ITFG1: variants seen among roughly 807,000 people sequenced by gnomAD.
ITFG1 encodes T-cell immunomodulatory protein.
In ITFG1, 34 loss-of-function variants were observed where a neutral mutation model predicts 81.8. The ratio of observed to expected loss-of-function variants is 0.42; its 90% CI spans 0.32 to 0.55. The LOEUF is 0.55. Ranked by LOEUF, ITFG1 falls within the 20% of genes least tolerant of loss-of-function variation. The probability of loss-of-function intolerance (pLI) is 0.17; values close to 1 mark genes in which losing one functional copy is unlikely to be tolerated. For missense variants in ITFG1, 672 were observed against 755.4 expected (o/e 0.89, Z 1.29); for synonymous variants, 285 against 270.6 (o/e 1.05, Z -0.52).
intron 6 of ITFG1, among the ~76,000 whole-genome samples, chr16:47,424,708 TG>T (rs199730896): frequency 0.017 from 2,647 of 152,298 alleles, 82 homozygotes; most frequent in African/African-American, 0.061. Flanking sequence ...GCAGGTCTGT[TG>T]GAGTTTGCTG....
chr16:47,334,486 G>C (rs1288439426), intron 8 of ITFG1, among the ~76,000 whole-genome samples: 1 of 152,172 alleles, frequency 6.6e-6, no homozygotes, highest in African/African-American at 2.4e-5. Context: ...TTAAATATAG[G>C]AGCAGTGAAC....
chr16:47,370,713 G>A (rs1025830736), intron 7 of ITFG1, among the ~76,000 whole-genome samples: 5 of 152,136 alleles, frequency 3.3e-5, no homozygotes, highest in Admixed American at 1.3e-4. Flanking sequence ...CCCTCATCAC[G>A]CAGTGCCTGG....
chr16:47,216,364 CTT>C, intron 14 of ITFG1, among the ~76,000 whole-genome samples: 1 of 151,894 alleles, frequency 6.6e-6, no homozygotes, highest in Middle Eastern at 3.4e-3. Context: ...TGGCTAATTT[CTT>C]TTTTTTGCAT....
intron 12 of ITFG1, among the ~76,000 whole-genome samples, chr16:47,249,865 C>T (rs765336242): frequency 1.3e-5 from 2 of 152,142 alleles, no homozygotes; most frequent in Non-Finnish European, 2.9e-5. Context: ...CCAAATATGG[C>T]AATAATCGTG....
chr16:47,263,448 T>A (rs1276152323), intron 10 of ITFG1: 1 of 401,766 alleles, frequency 2.5e-6, no homozygotes, highest in East Asian at 7.6e-5. Context: ...TGGATCCAAG[T>A]CTCCAGTGAC....
chr16:47,325,650 C>T (rs867773741), intron 8 of ITFG1, among the ~76,000 whole-genome samples: 24 of 152,010 alleles, frequency 1.6e-4, no homozygotes, highest in African/African-American at 5.5e-4. Flanking sequence ...ATATCACCAC[C>T]GATCCCACAG....
At chr16:47,261,829 T>C (rs1397146071) in intron 10 of ITFG1, among the ~76,000 whole-genome samples, 6 of 152,176 alleles carry the variant, frequency 3.9e-5, no homozygotes, top group Non-Finnish European at 8.8e-5. Context: ...TGTGCCATCA[T>C]GCCCAGTTAA....
chr16:47,430,659 G>A (rs1476216210), intron 5 of ITFG1, among the ~76,000 whole-genome samples: 2 of 151,918 alleles, frequency 1.3e-5, no homozygotes, highest in Non-Finnish European at 2.9e-5. Context: ...CTAAAGTTTT[G>A]GACCATGCAG....
chr16:47,239,417 T>C (rs1231898613), intron 12 of ITFG1, among the ~76,000 whole-genome samples: 2 of 152,112 alleles, frequency 1.3e-5, no homozygotes, highest in East Asian at 3.9e-4. Flanking sequence ...GCCAGGATGG[T>C]CTCAATCTCT....
intron 14 of ITFG1, among the ~76,000 whole-genome samples, chr16:47,204,241 C>T (rs1289595679): frequency 1.3e-5 from 2 of 152,176 alleles, no homozygotes; most frequent in African/African-American, 4.8e-5. Flanking sequence ...TTGTCAACCA[C>T]ACCTATACCA....
At chr16:47,328,620 GC>G (rs1967595180) in intron 8 of ITFG1, among the ~76,000 whole-genome samples, 1 of 151,998 alleles carries the variant, frequency 6.6e-6, no homozygotes, top group African/African-American at 2.4e-5. Flanking sequence ...TAACTAATTA[GC>G]TTAAACATTC....
intron 1 of ITFG1, among the ~76,000 whole-genome samples, chr16:47,459,410 C>T (rs1422049390): frequency 6.6e-6 from 1 of 152,160 alleles, no homozygotes; most frequent in African/African-American, 2.4e-5. Flanking sequence ...GAAAAAGCAG[C>T]TGATCAAGAG....
intron 10 of ITFG1, among the ~76,000 whole-genome samples, chr16:47,308,586 C>A (rs1221332491): frequency 6.6e-6 from 1 of 152,100 alleles, no homozygotes; most frequent in Non-Finnish European, 1.5e-5. Context: ...AAGATAATAA[C>A]CAACCCATGA....
intron 12 of ITFG1, among the ~76,000 whole-genome samples, chr16:47,239,451 G>A (rs182462725): frequency 1.4e-4 from 21 of 152,078 alleles, no homozygotes; most frequent in Admixed American, 3.3e-4. Flanking sequence ...CGCCTGCCTC[G>A]GCCTCCCAAA....
At chr16:47,399,064 C>G (rs190777091) in intron 6 of ITFG1, among the ~76,000 whole-genome samples, 4 of 152,166 alleles carry the variant, frequency 2.6e-5, no homozygotes, top group African/African-American at 7.2e-5. Context: ...TAGAGGCACT[C>G]AGAGAGATTG....
intron 11 of ITFG1, among the ~76,000 whole-genome samples, chr16:47,260,194 C>T (rs1237155418): frequency 6.6e-6 from 1 of 152,124 alleles, no homozygotes; most frequent in Non-Finnish European, 1.5e-5. Context: ...GCCTCGGCCT[C>T]CCAAAGTGCT....
chr16:47,384,660 T>C (rs754084339), intron 6 of ITFG1, among the ~76,000 whole-genome samples: 5 of 152,212 alleles, frequency 3.3e-5, no homozygotes, highest in Non-Finnish European at 7.3e-5. Context: ...TTCACTTACT[T>C]GCCTATAAAA....
At chr16:47,263,273 G>T in intron 10 of ITFG1, 1 of 428,678 alleles carries the variant, frequency 2.3e-6, no homozygotes, top group Non-Finnish European at 4.7e-6. Flanking sequence ...TTCTTGCTCT[G>T]TGTATGCTTA....
intron 8 of ITFG1, among the ~76,000 whole-genome samples, chr16:47,327,384 C>G (rs1967565548): frequency 6.6e-6 from 1 of 152,068 alleles, no homozygotes; most frequent in Non-Finnish European, 1.5e-5. Context: ...AGAAGAAAAC[C>G]TAGGCAATAC....
Sources: gnomAD v4.1 joint callset for allele counts (sites outside exome capture counted in the v4.1 genomes callset) on GRCh38, gnomAD v4.1.1 for gene constraint, MANE v1.5 for transcripts, NCBI Gene and HGNC (gene_info 2026-07-23, HGNC 2026-07-21) for gene names.